RETREG1: variants seen among roughly 807,000 people sequenced by gnomAD.
RETREG1 encodes family with sequence similarity 134 member B.
RETREG1 carries 44 observed loss-of-function variants against 54.8 expected under a neutral mutation model. The ratio of observed to expected loss-of-function variants is 0.80; its 90% CI spans 0.63 to 1.03. RETREG1 has a LOEUF of 1.03. Among genes scored for constraint, RETREG1 ranks in the 50% least tolerant of loss-of-function variants. The probability of loss-of-function intolerance (pLI) is 0.00; values close to 1 mark genes in which losing one functional copy is unlikely to be tolerated. For missense variants in RETREG1, 554 were observed against 605.1 expected (o/e 0.92, Z 0.89); for synonymous variants, 217 against 238.5 (o/e 0.91, Z 0.83).
rs539990926 is a variant in RETREG1 at position 16,508,732 on chromosome 5, C to T, written c.459-25260G>A. 1.3e-5 allele frequency: 20 copies of T among 1,550,788 alleles called. No individual in the cohort carries two copies. The South Asian group carries it at 2.0e-4, about 16-fold the overall frequency. ...GCTGAATATCAGGAGGAAAAAAACC[C>T]AGTAGAGACGTTCTTTCCTTTTTGG... is the stretch of plus-strand genomic sequence containing the variant. On this transcript the variant is annotated intron_variant, in intron 3 of 8. Transcript: ENST00000306320.
intron 3 of RETREG1, among the ~76,000 whole-genome samples, chr5:16,555,213 G>A (rs948597841): frequency 4.6e-5 from 7 of 152,124 alleles, no homozygotes; most frequent in South Asian, 2.1e-4. Flanking sequence ...GTGCAGTGGC[G>A]CAATCTGGGC....
intron 3 of RETREG1, among the ~76,000 whole-genome samples, chr5:16,525,695 C>T (rs141020809): frequency 2.0e-4 from 30 of 152,164 alleles, no homozygotes; most frequent in Non-Finnish European, 2.5e-4. Context: ...CTCGGCAGCA[C>T]TGAATTCCTA....
chr5:16,555,673 T>C (rs1194467306), intron 3 of RETREG1, among the ~76,000 whole-genome samples: 1 of 152,230 alleles, frequency 6.6e-6, no homozygotes, highest in African/African-American at 2.4e-5. Flanking sequence ...CCTTTATTTT[T>C]GATTTCCTAA....
At chr5:16,583,628 A>G (rs981523540) in intron 1 of RETREG1, among the ~76,000 whole-genome samples, 5 of 152,170 alleles carry the variant, frequency 3.3e-5, no homozygotes, top group African/African-American at 1.2e-4. Flanking sequence ...TAATAGGATA[A>G]ATTTCCTATA....
intron 3 of RETREG1, among the ~76,000 whole-genome samples, chr5:16,498,782 T>A (rs541560984): frequency 6.6e-6 from 1 of 152,336 alleles, no homozygotes; most frequent in Non-Finnish European, 1.5e-5. Flanking sequence ...GGACTGGAAC[T>A]TTCTCTGGGT....
At position 16,527,800 on chromosome 5, in the gene RETREG1, A is replaced by ATTTTTTTTTT. The variant is rs386403108; in HGVS notation, c.458+37953_458+37962dup. Among the ~76,000 whole-genome samples, 90 of 66,256 alleles carry ATTTTTTTTTT rather than the reference A, an allele frequency of 1.4e-3. 14 individuals are homozygous for ATTTTTTTTTT. Among genetic ancestry groups the ATTTTTTTTTT allele is most frequent in the Admixed American group, 2.1e-3 (9 of 4,264 alleles). The allele number at this position is 66,256 out of a possible 152,430, so 43.5% of individuals were successfully genotyped here. On this transcript the variant is annotated intron_variant, in intron 3 of 8. Transcript: ENST00000306320. ...CTTAGTACAATTTCGAGGGACTCTA[A>ATTTTTTTTTT]TTTTTTTTTTTTTTTTTTTTTTTTT...
chr5:16,482,886 C>A, intron 4 of RETREG1: 1 of 164,812 alleles, frequency 6.1e-6, no homozygotes, highest in Non-Finnish European at 1.3e-5. Context: ...AATGTTTTTG[C>A]CAAAAGTTTT....
At chr5:16,551,268 AG>A (rs1741533319) in intron 3 of RETREG1, among the ~76,000 whole-genome samples, 2 of 151,354 alleles carry the variant, frequency 1.3e-5, no homozygotes, top group South Asian at 4.2e-4. Flanking sequence ...ACTCCTAAAA[AG>A]CTCCTTCCCC....
chr5:16,479,036 C>T (rs200329627), intron 5 of RETREG1, 49 bp from the exon 6 acceptor site: 1 of 1,585,494 alleles, frequency 6.3e-7, no homozygotes, highest in Non-Finnish European at 8.6e-7. Context: ...TTTCAAAAGG[C>T]TACGTACATT....
intron 3 of RETREG1, among the ~76,000 whole-genome samples, chr5:16,505,432 C>T (rs953974293): frequency 2.0e-5 from 3 of 152,162 alleles, no homozygotes; most frequent in Non-Finnish European, 2.9e-5. Context: ...TCTGTCTCCA[C>T]ACCTGGGCTG....
At chr5:16,567,803 A>G (rs1417179885) in intron 2 of RETREG1, among the ~76,000 whole-genome samples, 1 of 152,110 alleles carries the variant, frequency 6.6e-6, no homozygotes, top group Non-Finnish European at 1.5e-5. Context: ...CAAAAATTAA[A>G]AAAGAAAATT....
At position 16,495,539 on chromosome 5, in the gene RETREG1, A is replaced by G. The variant is rs538290140; in HGVS notation, c.459-12067T>C. On this transcript the variant is annotated intron_variant, in intron 3 of 8. Coordinates refer to ENST00000306320, the MANE Select transcript of RETREG1 (RefSeq NM_001034850.3). ...TGTCCCAGTCACTCCAGCTCCAGCT[A>G]TGGCTCAAAGAGGCCAAGGTACAGC... 5.9e-5 allele frequency among the ~76,000 whole-genome samples: 9 copies of G among 152,316 alleles called. No individual in the cohort carries two copies. In the East Asian group the frequency reaches 7.7e-4, roughly 13 times the overall value.
chr5:16,531,805 A>G (rs1344109802), intron 3 of RETREG1, among the ~76,000 whole-genome samples: 1 of 152,182 alleles, frequency 6.6e-6, no homozygotes, highest in African/African-American at 2.4e-5. Flanking sequence ...CCTTTAACAA[A>G]TTAGCCTGTG....
At chr5:16,547,074 G>T (rs1008841716) in intron 3 of RETREG1, among the ~76,000 whole-genome samples, 1 of 152,202 alleles carries the variant, frequency 6.6e-6, no homozygotes, top group East Asian at 1.9e-4. Flanking sequence ...GCGAGGGACC[G>T]TTCTATAGGT....
In RETREG1 at chr5:16,541,739, G is replaced by GGGAGGGAA. The variant is rs1379256353; in HGVS notation, c.458+24023_458+24024insTTCCCTCC. On this transcript the variant is annotated intron_variant, in intron 3 of 8. Coordinates refer to ENST00000306320, the MANE Select transcript of RETREG1 (RefSeq NM_001034850.3). Reference sequence around the variant, plus strand: ...AAAGAGAAGAGAAGAGAGGGAGGGAGGGAAGGAAGGAAGGAAGGAAGGAAG... The same window carrying GGGAGGGAA: ...AAAGAGAAGAGAAGAGAGGGAGGGAGGGAGGGAAGGAAGGAAGGAAGGAAGGAAGGAAG... 2.7e-3 allele frequency among the ~76,000 whole-genome samples: 272 copies of GGGAGGGAA among 102,222 alleles called. 1 individual carries two copies. The highest frequency in any genetic ancestry group is 8.8e-3 in the African/African-American group (247 of 28,074). The allele number at this position is 102,222 out of a possible 152,430, so 67.1% of individuals were successfully genotyped here.
chr5:16,478,950 A>G lies in RETREG1; in HGVS notation c.708T>C (p.Asn236=). Residue 236 remains asparagine, a synonymous_variant, in exon 6 of 9, where the codon AAT becomes AAC. Coordinates refer to ENST00000306320, the MANE Select transcript of RETREG1 (RefSeq NM_001034850.3). ...CAFLCPLFKC[N]DIGQKIYSKI... is the part of the protein sequence containing the mutation. ...TGCTGTAAATTTTTTGTCCAATATC[A>G]TTACATTTAAACAATGGACACAAAA... The G allele has an allele frequency of 6.2e-7, 1 of 1,612,232 alleles. No individual in the cohort carries two copies. Among genetic ancestry groups the G allele is most frequent in the South Asian group, 1.1e-5 (1 of 91,020 alleles).
chr5:16,506,291 C>T (rs1399558377), intron 3 of RETREG1, among the ~76,000 whole-genome samples: 2 of 152,174 alleles, frequency 1.3e-5, no homozygotes, highest in African/African-American at 4.8e-5. Context: ...ATGAAAAAGC[C>T]TCAGTGTGAG....
chr5:16,583,193 T>A (rs983599765), intron 1 of RETREG1, among the ~76,000 whole-genome samples: 29 of 149,520 alleles, frequency 1.9e-4, no homozygotes, highest in African/African-American at 6.8e-4. Context: ...ACAAAAAATA[T>A]TTTTTGTCTG....
rs774413568 is a variant in RETREG1 at position 16,481,039 on chromosome 5, T to C, written c.640A>G (p.Ile214Val). The C allele has an allele frequency of 6.2e-7, 1 of 1,611,914 alleles. No homozygotes were observed. The highest frequency in any genetic ancestry group is 2.2e-5 in the East Asian group (1 of 44,828). Residue 214 changes from isoleucine (I) to valine (V), a missense_variant, in exon 5 of 9, where the codon ATT becomes GTT. Around this residue, in one of 4 missense-constraint regions of RETREG1, gnomAD observed 347 missense variants for 412.3 expected, o/e 0.84. Transcript: ENST00000306320. ...CTFFTILGSY[I>V]PGVILSYLLL... is the part of the protein sequence containing the mutation. The stretch of plus-strand genomic sequence containing the variant: ...AGATAGCTGAGTATAACCCCAGGAA[T>C]GTAACTTCCCAAGATCGTAAAAAAT...
Sources: gnomAD v4.1 joint callset for allele counts (sites outside exome capture counted in the v4.1 genomes callset) on GRCh38, gnomAD v4.1.1 for gene constraint, gnomAD v4.1.1 regional missense constraint, MANE v1.5 for transcripts, NCBI Gene and HGNC (gene_info 2026-07-23, HGNC 2026-07-21) for gene names.